The following UPP2 variants were observed in gnomAD, a reference collection of about 807,000 sequenced individuals.
UPP2 encodes the protein UPase 2.
Under a neutral mutation model 26.7 loss-of-function variants are expected in UPP2, and 23 were observed. The ratio of observed to expected loss-of-function variants is 0.86; its 90% CI spans 0.62 to 1.22. The LOEUF is 1.22. Ranked by LOEUF, UPP2 falls within the 50% of genes most tolerant of loss-of-function variation. The pLI is 0.00. For synonymous variants in UPP2, 127 were observed against 141.3 expected, an observed-to-expected ratio of 0.90 and a Z score of 0.72; for missense variants, 387 against 396.7, an observed-to-expected ratio of 0.98 and a Z score of 0.21.
At chr2:158,125,020 T>C (rs61073853) in intron 6 of UPP2, among the ~76,000 whole-genome samples, 8,003 of 152,232 alleles carry the variant, frequency 0.053, 678 homozygotes, top group African/African-American at 0.18. Flanking sequence ...TAGGCACAGA[T>C]GACAAGAGGT....
intron 1 of UPP2, among the ~76,000 whole-genome samples, chr2:158,102,620 G>T (rs751428097): frequency 8.5e-5 from 13 of 152,158 alleles, no homozygotes; most frequent in Non-Finnish European, 1.9e-4. Context: ...CATCTCATGG[G>T]TAGATATAAA....
At chr2:158,120,512 T>C (rs932991731) in intron 4 of UPP2, among the ~76,000 whole-genome samples, 10 of 152,024 alleles carry the variant, frequency 6.6e-5, no homozygotes, top group African/African-American at 1.7e-4. Context: ...ACAGACATAG[T>C]TCTTGACTTT....
chr2:158,075,656 A>G (rs1682619444), intron 3 of UPP2, among the ~76,000 whole-genome samples: 1 of 152,070 alleles, frequency 6.6e-6, no homozygotes, highest in Non-Finnish European at 1.5e-5. Context: ...ATAGAAATAC[A>G]ACATACCAAA....
At chr2:158,013,204 C>CAT (rs1683608039) in intron 2 of UPP2, among the ~76,000 whole-genome samples, 1 of 152,102 alleles carries the variant, frequency 6.6e-6, no homozygotes, top group Non-Finnish European at 1.5e-5. Context: ...CTATGTTGCA[C>CAT]AGGCTGGTCT....
intron 3 of UPP2, among the ~76,000 whole-genome samples, chr2:158,062,438 T>C (rs1318646360): frequency 3.9e-5 from 6 of 152,312 alleles, no homozygotes; most frequent in African/African-American, 1.4e-4. Flanking sequence ...CTATTAGTGC[T>C]CCTGGGACAT....
intron 2 of UPP2, among the ~76,000 whole-genome samples, chr2:158,109,549 A>G (rs1683268200): frequency 6.6e-6 from 1 of 152,154 alleles, no homozygotes; most frequent in African/African-American, 2.4e-5. Flanking sequence ...GACAGCGACA[A>G]TATGTAGGGT....
At chr2:158,048,271 C>A (rs1003930709) in intron 3 of UPP2, among the ~76,000 whole-genome samples, 3 of 152,124 alleles carry the variant, frequency 2.0e-5, no homozygotes, top group African/African-American at 4.8e-5. Context: ...CTGAGTGGGG[C>A]CCCCATGCTC....
At chr2:158,057,740 T>A (rs1424111582) in intron 3 of UPP2, among the ~76,000 whole-genome samples, 2 of 150,412 alleles carry the variant, frequency 1.3e-5, no homozygotes, top group African/African-American at 4.9e-5. Context: ...TCAGATTCTT[T>A]TTTGTTTTTT....
rs149358621 is a variant in UPP2 at position 158,045,787 on chromosome 2, G to A, written c.147+29901G>A. ...AGGGTTATTAGCATCAGTAAAGTGC[G>A]GTGAGGCCACATGAGCCAGGGAAGG... On this transcript the variant is annotated intron_variant, in intron 3 of 9. Transcript: ENST00000605860. 2.9e-3 allele frequency among the ~76,000 whole-genome samples: 447 copies of A among 152,182 alleles called. 1 individual carries two copies. Among genetic ancestry groups the A allele is most frequent in the Admixed American group, 9.4e-3 (144 of 15,278 alleles).
intron 3 of UPP2, among the ~76,000 whole-genome samples, chr2:158,042,445 C>T (rs1684094546): frequency 6.6e-6 from 1 of 152,170 alleles, no homozygotes; most frequent in Non-Finnish European, 1.5e-5. Flanking sequence ...ACAAGCTCCA[C>T]CTTCCCATCC....
chr2:158,035,595 C>G (rs1338496073), intron 3 of UPP2, among the ~76,000 whole-genome samples: 1 of 152,192 alleles, frequency 6.6e-6, no homozygotes, highest in Non-Finnish European at 1.5e-5. Context: ...GCACCATACC[C>G]TACTACTGCG....
intron 2 of UPP2, among the ~76,000 whole-genome samples, chr2:158,010,381 A>G (rs12104561): frequency 0.03 from 4,599 of 152,296 alleles, 218 homozygotes; most frequent in African/African-American, 0.1. Flanking sequence ...GTGAGGAAAG[A>G]TTTAAATATC....
At chr2:158,106,697 A>G (rs1683204234) in intron 2 of UPP2, among the ~76,000 whole-genome samples, 1 of 152,176 alleles carries the variant, frequency 6.6e-6, no homozygotes, top group African/African-American at 2.4e-5. Context: ...TATTTCATAC[A>G]AATTATTTAT....
chr2:158,077,160 G>A (rs1480489810), intron 3 of UPP2, among the ~76,000 whole-genome samples: 4 of 152,028 alleles, frequency 2.6e-5, no homozygotes, highest in Non-Finnish European at 5.9e-5. Flanking sequence ...AGAAATTTAA[G>A]AGGACACTAA....
chr2:158,034,319 G>T (rs757879804), intron 3 of UPP2, among the ~76,000 whole-genome samples: 36 of 152,272 alleles, frequency 2.4e-4, no homozygotes, highest in Non-Finnish European at 3.8e-4. Flanking sequence ...CGCAGGGCAG[G>T]GAAAGCTCTC....
At chr2:158,049,358 T>A (rs2105169968) in intron 3 of UPP2, among the ~76,000 whole-genome samples, 1 of 152,294 alleles carries the variant, frequency 6.6e-6, no homozygotes, top group Middle Eastern at 3.4e-3. Flanking sequence ...CAAAAGAAGT[T>A]CCCATTCATG....
At chr2:157,996,258 T>C (rs1447385964) in intron 2 of UPP2, among the ~76,000 whole-genome samples, 1 of 152,230 alleles carries the variant, frequency 6.6e-6, no homozygotes, top group African/African-American at 2.4e-5. Flanking sequence ...TATCTTAGCT[T>C]ACCATACCTT....
intron 3 of UPP2, chr2:158,065,566 G>T: frequency 1.8e-6 from 1 of 542,482 alleles, no homozygotes. Context: ...GAACTGTCCA[G>T]CTCCTGTGGA....
intron 3 of UPP2, among the ~76,000 whole-genome samples, chr2:158,036,670 A>T (rs763957252): frequency 4.6e-5 from 7 of 152,228 alleles, no homozygotes; most frequent in Non-Finnish European, 8.8e-5. Context: ...AGATTGTGAC[A>T]CTGATGCTAT....
Sources: allele counts gnomAD v4.1 joint callset (sites outside exome capture counted in the v4.1 genomes callset), GRCh38; gene constraint gnomAD v4.1.1; transcripts MANE v1.5; gene names NCBI Gene and HGNC (gene_info 2026-07-23, HGNC 2026-07-21).